C1QTNF3: variants seen among roughly 807,000 people sequenced by gnomAD.
The protein encoded by C1QTNF3 is complement C1q tumor necrosis factor-related protein 3.
A neutral mutation model predicts 32.6 loss-of-function variants in C1QTNF3; 26 were observed. That is an observed-to-expected ratio of 0.80 (90% CI 0.58 to 1.11). C1QTNF3 has a LOEUF of 1.11. Ranked by LOEUF, C1QTNF3 falls within the 50% of genes least tolerant of loss-of-function variation. C1QTNF3 has a pLI of 0.00. For synonymous variants in C1QTNF3, 155 were observed against 146.0 expected (o/e 1.06, Z -0.44); for missense variants, 362 against 398.2 (o/e 0.91, Z 0.77).
the C1QTNF3 span, among the ~76,000 whole-genome samples, chr5:34,171,446 C>T: frequency 6.6e-6 from 1 of 151,634 alleles, no homozygotes; most frequent in South Asian, 2.1e-4. Context: ...TCTAATTTCC[C>T]CTGGTAGGGA....
rs191789691 is a variant in C1QTNF3, at chr5:34,022,380, C to T, written c.800+1529G>A. ...GGCCCTGCTCACCTTTCAGATGTGC[C>T]ACAGAGAAAAGCAGATAAAGAAGAC... is the stretch of plus-strand genomic sequence containing the variant. On this transcript the variant is annotated intron_variant, in intron 5 of 5. Transcript: ENST00000382065. Among the ~76,000 whole-genome samples the T allele has an allele frequency of 2.3e-3, 347 of 152,150 alleles. 1 individual carries two copies. The highest frequency in any genetic ancestry group is 7.9e-3 in the African/African-American group (326 of 41,488).
upstream of C1QTNF3, among the ~76,000 whole-genome samples, chr5:34,046,588 A>G (rs1249936636): frequency 6.6e-6 from 1 of 152,178 alleles, no homozygotes; most frequent in Non-Finnish European, 1.5e-5. Flanking sequence ...TTCTCTCACA[A>G]CCCTTAGGGG....
chr5:34,172,139 C>A, the C1QTNF3 span, among the ~76,000 whole-genome samples: 5 of 152,132 alleles, frequency 3.3e-5, no homozygotes, highest in African/African-American at 1.2e-4. Flanking sequence ...CATTCCAAGA[C>A]CCCCAGTGGT....
At chr5:34,178,194 T>C in the C1QTNF3 span, among the ~76,000 whole-genome samples, 2 of 150,648 alleles carry the variant, frequency 1.3e-5, no homozygotes, top group Non-Finnish European at 1.5e-5. Flanking sequence ...TGCAGGAGAA[T>C]TGCTTGAACC....
the C1QTNF3 span, among the ~76,000 whole-genome samples, chr5:34,072,237 C>T: frequency 2.0e-5 from 3 of 150,864 alleles, no homozygotes; most frequent in East Asian, 5.8e-4. Context: ...ATTCTCCTGC[C>T]TAGGCCTTCC....
chr5:34,061,234 G>C, the C1QTNF3 span, among the ~76,000 whole-genome samples: 10 of 152,196 alleles, frequency 6.6e-5, no homozygotes, highest in African/African-American at 1.9e-4. Context: ...GGTTCCCATG[G>C]TACTGGGCAG....
the C1QTNF3 span, among the ~76,000 whole-genome samples, chr5:34,132,431 G>GTATATATATATA: frequency 3.4e-5 from 1 of 29,376 alleles, no homozygotes; most frequent in African/African-American, 1.1e-4. Flanking sequence ...ATGTGTATGT[G>GTATATATATATA]TATGTATATA....
At chr5:34,166,752 A>T in the C1QTNF3 span, 10 of 151,730 alleles carry the variant, frequency 6.6e-5, no homozygotes, top group Non-Finnish European at 1.5e-4. Context: ...TCCACTACTG[A>T]TACTTGCTAA....
chr5:34,199,775 ATTC>A, the C1QTNF3 span: 2 of 132,630 alleles, frequency 1.5e-5, no homozygotes, highest in African/African-American at 5.6e-5. Flanking sequence ...AAACATATTT[ATTC>A]TTCATTTCCT....
the C1QTNF3 span, among the ~76,000 whole-genome samples, chr5:34,213,690 G>GTGTGTATATATATA: frequency 3.3e-5 from 3 of 89,710 alleles, no homozygotes; most frequent in Admixed American, 1.2e-4. Context: ...TCTGTTGTGT[G>GTGTGTATATATATA]TGTGTATATA....
chr5:34,146,156 A>T, the C1QTNF3 span, among the ~76,000 whole-genome samples: 6 of 152,318 alleles, frequency 3.9e-5, no homozygotes, highest in East Asian at 9.6e-4. Context: ...TAGTCAGAGG[A>T]ATAAAGTGAA....
At chr5:34,037,753 G>A (rs1754775401) in intron 1 of C1QTNF3, among the ~76,000 whole-genome samples, 1 of 152,192 alleles carries the variant, frequency 6.6e-6, no homozygotes, top group South Asian at 2.1e-4. Flanking sequence ...TTTGAGATGA[G>A]GGATTTCATC....
chr5:34,122,560 C>T, the C1QTNF3 span, among the ~76,000 whole-genome samples: 3 of 152,138 alleles, frequency 2.0e-5, no homozygotes, highest in African/African-American at 7.2e-5. Flanking sequence ...TTCCTCTTGC[C>T]TGCTGATAGT....
At chr5:34,100,499 T>A in the C1QTNF3 span, among the ~76,000 whole-genome samples, 1 of 152,080 alleles carries the variant, frequency 6.6e-6, no homozygotes, top group Non-Finnish European at 1.5e-5. Context: ...AGTCATTATA[T>A]GGAAGATAAT....
At chr5:34,038,934 C>A (rs1441108588) in intron 1 of C1QTNF3, among the ~76,000 whole-genome samples, 1 of 152,122 alleles carries the variant, frequency 6.6e-6, no homozygotes, top group Non-Finnish European at 1.5e-5. Context: ...TAATTGGTTG[C>A]AGCCAGTGCC....
chr5:34,213,055 G>C, the C1QTNF3 span, among the ~76,000 whole-genome samples: 55 of 152,300 alleles, frequency 3.6e-4, no homozygotes, highest in East Asian at 9.1e-3. Flanking sequence ...AAACAACTAA[G>C]AGTGGATTTC....
the C1QTNF3 span, among the ~76,000 whole-genome samples, chr5:34,108,893 A>G: frequency 6.8e-6 from 1 of 148,050 alleles, no homozygotes. Flanking sequence ...GAGACTGAAT[A>G]GTGGCTTCCT....
chr5:34,108,822 C>CA, the C1QTNF3 span, among the ~76,000 whole-genome samples: 9 of 146,000 alleles, frequency 6.2e-5, no homozygotes, highest in Admixed American at 2.1e-4. Context: ...TCTAAGTCAT[C>CA]AATTCACAAT....
chr5:34,134,509 A>G, the C1QTNF3 span, among the ~76,000 whole-genome samples: 2 of 152,304 alleles, frequency 1.3e-5, no homozygotes, highest in East Asian at 1.9e-4. Flanking sequence ...ATAACCAAAT[A>G]AAATAAAAAT....
Sources: allele counts gnomAD v4.1 joint callset (sites outside exome capture counted in the v4.1 genomes callset), GRCh38; gene constraint gnomAD v4.1.1; transcripts MANE v1.5; gene names NCBI Gene and HGNC (gene_info 2026-07-23, HGNC 2026-07-21).